The following SLCO4A1 variants were observed in gnomAD, a reference collection of about 807,000 sequenced individuals.
SLCO4A1 encodes colon organic anion transporter.
A neutral mutation model predicts 64.6 loss-of-function variants in SLCO4A1; 51 were observed. The ratio of observed to expected loss-of-function variants is 0.79; its 90% CI spans 0.63 to 1.00. The LOEUF (loss-of-function observed/expected upper bound fraction) is 1.00. Ranked by LOEUF, SLCO4A1 falls within the 50% of genes least tolerant of loss-of-function variation. The pLI, the probability that SLCO4A1 is intolerant of heterozygous loss-of-function variation, is 0.00. For missense variants in SLCO4A1, 919 were observed against 980.5 expected, an observed-to-expected ratio of 0.94 and a Z score of 0.84; for synonymous variants, 471 against 444.9, an observed-to-expected ratio of 1.06 and a Z score of -0.74.
intron 1 of SLCO4A1, among the ~76,000 whole-genome samples, chr20:62,648,205 G>A (rs1179295701): frequency 6.6e-6 from 1 of 152,292 alleles, no homozygotes; most frequent in African/African-American, 2.4e-5. Context: ...AGCAGGGACA[G>A]GGCCTGAGGG....
At chr20:62,683,802 T>C (rs1161982817) in intron 2 of SLCO4A1, among the ~76,000 whole-genome samples, 2 of 152,134 alleles carry the variant, frequency 1.3e-5, no homozygotes, top group African/African-American at 2.4e-5. Flanking sequence ...CTCAAAACTC[T>C]CTCCATCAGT....
chr20:62,676,576 G>A (rs1347892877), downstream of SLCO4A1, among the ~76,000 whole-genome samples: 1 of 152,244 alleles, frequency 6.6e-6, no homozygotes, highest in African/African-American at 2.4e-5. Context: ...TCAGGGAAGT[G>A]CAAACCAAAG....
chr20:62,655,204 G>A (rs1444478424), intron 1 of SLCO4A1, among the ~76,000 whole-genome samples: 2 of 151,786 alleles, frequency 1.3e-5, no homozygotes, highest in African/African-American at 4.8e-5. Context: ...GGGTGGGGGC[G>A]GCACAGGTGT....
chr20:62,657,490 G>C (rs1277036930), intron 2 of SLCO4A1, among the ~76,000 whole-genome samples: 1 of 152,254 alleles, frequency 6.6e-6, no homozygotes, highest in Non-Finnish European at 1.5e-5. Context: ...CGCTGTGCCC[G>C]GGAGCCTCAG....
At chr20:62,646,522 T>C (rs927447232) in intron 1 of SLCO4A1, among the ~76,000 whole-genome samples, 3 of 152,196 alleles carry the variant, frequency 2.0e-5, no homozygotes, top group Non-Finnish European at 4.4e-5. Flanking sequence ...GTCCTGAGCA[T>C]GGGCAGGGCA....
In SLCO4A1 at chr20:62,665,004, C is replaced by T. The variant is rs1041433228; in HGVS notation, c.1192C>T (p.Leu398Phe). Residue 398 changes from leucine (L) to phenylalanine (F), a missense_variant, in exon 6 of 12, where the codon CTC becomes TTC. Physicochemically the swap from Leu to Phe is conservative, Grantham distance 22. Coordinates refer to ENST00000217159, the MANE Select transcript of SLCO4A1 (RefSeq NM_016354.4). ...LCLAGATEAT[L>F]ITGMSTFSPK... ...CCTGGCCGGGGCCACCGAGGCCACT[C>T]TCATCACCGGCATGTCCACGTTCAG... is the stretch of plus-strand genomic sequence containing the variant. The T allele has an allele frequency of 2.5e-6, 4 of 1,613,950 alleles. No individual in the cohort carries two copies. In the Admixed American group the frequency reaches 6.7e-5, roughly 27 times the overall value.
chr20:62,687,251 TA>T (rs1988098103), downstream of SLCO4A1, among the ~76,000 whole-genome samples: 1 of 147,980 alleles, frequency 6.8e-6, no homozygotes, highest in Non-Finnish European at 1.5e-5. Context: ...AGCAGCTTCC[TA>T]ATCCTGGCCC....
chr20:62,651,567 G>A (rs923120289), intron 1 of SLCO4A1: 9 of 152,228 alleles, frequency 5.9e-5, no homozygotes, highest in Admixed American at 6.5e-5. Context: ...TGATTTAAAT[G>A]TGCATAATAG....
Position 62,661,041 on chromosome 20 carries a change from C to CCCCCCCCCCCCCCCCCACCA in SLCO4A1, c.1010-23_1010-22insCCCCCCCCCCCCCCCCACCA. Reference sequence around the variant, plus strand: ...TCCGGGAGCCCCCAGCCCCCAGCCCCAGCTCACTCTGTGCCCTTCCAGGCT... The same window carrying CCCCCCCCCCCCCCCCCACCA: ...TCCGGGAGCCCCCAGCCCCCAGCCCCCCCCCCCCCCCCCCCCACCAAGCTCACTCTGTGCCCTTCCAGGCT... On this transcript the variant is annotated intron_variant, in intron 4 of 11. Coordinates refer to ENST00000217159, the MANE Select transcript of SLCO4A1 (RefSeq NM_016354.4). The surrounding 1 kb of genome is among the most constrained non-coding windows in gnomAD (Gnocchi z 5.2). 7.0e-7 allele frequency: 1 copy of CCCCCCCCCCCCCCCCCACCA among 1,424,138 alleles called. No homozygotes were observed. Among genetic ancestry groups the CCCCCCCCCCCCCCCCCACCA allele is most frequent in the Non-Finnish European group, 9.9e-7 (1 of 1,010,138 alleles). 88.2% of individuals were successfully genotyped at this position (1,424,138 alleles called of 1,614,324 possible).
At chr20:62,686,452 G>A (rs1988062158), downstream of SLCO4A1, among the ~76,000 whole-genome samples, 1 of 152,170 alleles carries the variant, frequency 6.6e-6, no homozygotes, top group African/African-American at 2.4e-5. Context: ...AAGGGCCGGG[G>A]ACAGAGTGAG....
chr20:62,661,695 A>C lies in SLCO4A1; in HGVS notation c.1121+520A>C. Among the ~76,000 whole-genome samples the C allele has an allele frequency of 7.1e-6, 1 of 141,108 alleles. No individual in the cohort carries two copies. The highest frequency in any genetic ancestry group is 1.5e-5 in the Non-Finnish European group (1 of 65,506). 92.6% of individuals were successfully genotyped at this position (141,108 alleles called of 152,430 possible). On this transcript the variant is annotated intron_variant, in intron 5 of 11. Coordinates refer to ENST00000217159, the MANE Select transcript of SLCO4A1 (RefSeq NM_016354.4). The surrounding 1 kb of genome is among the most constrained non-coding windows in gnomAD (Gnocchi z 5.2). ...CCTCCCTCCCTCAGAGTCTCTGAGG[A>C]CCTCCCCCCTCTACCCGGCGTGTCC...
chr20:62,671,631 C>T, intron 11 of SLCO4A1, 119 bp from the exon 12 acceptor site: 2 of 882,954 alleles, frequency 2.3e-6, no homozygotes, highest in African/African-American at 1.7e-5. Flanking sequence ...GGATGGGTTT[C>T]CGTGGACCTG....
rs747849397 is a variant in SLCO4A1 at position 62,667,776 on chromosome 20, G to C, written c.1504G>C (p.Ala502Pro). The stretch of plus-strand genomic sequence containing the variant: ...GCCCGAAGGCCACCTGAACCTAACG[G>C]CTCCCTGCAACGCTGCCTGCAGCTG... ...LLPEGHLNLTAPCNAACSCQP... is the reference protein window; with the variant it reads ...LLPEGHLNLTPPCNAACSCQP... Residue 502 changes from alanine (A) to proline (P), a missense_variant, in exon 8 of 12, where the codon GCT becomes CCT. Ala to Pro is a conservative substitution (Grantham distance 27). Coordinates refer to ENST00000217159, the MANE Select transcript of SLCO4A1 (RefSeq NM_016354.4). 6.2e-7 allele frequency: 1 copy of C among 1,610,992 alleles called. No individual in the cohort carries two copies. The highest frequency in any genetic ancestry group is 2.2e-5 in the East Asian group (1 of 44,852).
At chr20:62,649,435 A>G (rs1982017722) in intron 1 of SLCO4A1, 1 of 152,306 alleles carries the variant, frequency 6.6e-6, no homozygotes, top group Admixed American at 6.5e-5. Context: ...CCCAAGGCCC[A>G]CTCAGGTTGA....
chr20:62,643,104 C>T (rs1475185786), intron 1 of SLCO4A1: 2 of 450,260 alleles, frequency 4.4e-6, no homozygotes, highest in Non-Finnish European at 4.6e-6. Flanking sequence ...GCCAGAGGCG[C>T]TCGAGACATC....
chr20:62,657,109 A>G lies in SLCO4A1; in HGVS notation c.655A>G (p.Ser219Gly), dbSNP rs1219090060. ...CAACCCCGGCGCGGTGTGTGCGGAC[A>G]GCACCTCGGGCCTGTCCCGCTACCA... ...PANPGAVCAD[S>G]TSGLSRYQLV... is the part of the protein sequence containing the mutation. The change falls in exon 2 of 12, where the codon AGC (serine) becomes GGC (glycine). Residue 219 changes from serine (S) to glycine (G), a missense_variant. Coordinates refer to ENST00000217159, the MANE Select transcript of SLCO4A1 (RefSeq NM_016354.4). 6.3e-7 allele frequency: 1 copy of G among 1,589,762 alleles called. No individual in the cohort carries two copies. The highest frequency in any genetic ancestry group is 8.5e-7 in the Non-Finnish European group (1 of 1,170,088).
rs779919360 is a variant in SLCO4A1 at position 62,668,956 on chromosome 20, G to A, written c.1903G>A (p.Gly635Ser). ...GGGCATCCCGGGGCCCATCGCCTTC[G>A]GCTGGGTGATCGACAAGGCCTGTCT... ...LGGIPGPIAF[G>S]WVIDKACLLW... Residue 635 changes from glycine to serine, a missense_variant, in exon 11 of 12, where the codon GGC becomes AGC. Transcript: ENST00000217159. 15 of 1,607,522 alleles carry A rather than the reference G, an allele frequency of 9.3e-6. No homozygotes were observed. The highest frequency in any genetic ancestry group is 6.7e-5 in the Admixed American group (4 of 60,026).
At chr20:62,676,467 TC>T (rs756498934), downstream of SLCO4A1, among the ~76,000 whole-genome samples, 77 of 152,148 alleles carry the variant, frequency 5.1e-4, 1 homozygote, top group Middle Eastern at 3.4e-3. Context: ...GAAAGGATGA[TC>T]CAATTTAAAA....
chr20:62,675,089 C>T (rs1003074287), downstream of SLCO4A1, among the ~76,000 whole-genome samples: 1 of 152,194 alleles, frequency 6.6e-6, no homozygotes, highest in Non-Finnish European at 1.5e-5. Flanking sequence ...AGAAACGCCC[C>T]GAGCTGCAGA....
Sources: gnomAD v4.1 joint callset for allele counts (sites outside exome capture counted in the v4.1 genomes callset) on GRCh38, gnomAD v4.1.1 for gene constraint, Gnocchi (gnomAD v3.1) non-coding constraint, MANE v1.5 for transcripts, NCBI Gene and HGNC (gene_info 2026-07-23, HGNC 2026-07-21) for gene names.